Variants in BTBD9 observed in about 807,000 individuals in gnomAD.
BTBD9 encodes BTB/POZ domain-containing protein 9.
Under a neutral mutation model 64.3 loss-of-function variants are expected in BTBD9, and 49 were observed. The ratio of observed to expected loss-of-function variants is 0.76; its 90% CI spans 0.61 to 0.97. BTBD9 has a LOEUF of 0.97. Ranked by LOEUF, BTBD9 falls within the 50% of genes least tolerant of loss-of-function variation. The pLI, the probability that BTBD9 is intolerant of heterozygous loss-of-function variation, is 0.00. For synonymous variants in BTBD9, 260 were observed against 274.7 expected, an observed-to-expected ratio of 0.95 and a Z score of 0.53; for missense variants, 598 against 762.1, an observed-to-expected ratio of 0.78 and a Z score of 2.53.
intron 9 of BTBD9, among the ~76,000 whole-genome samples, chr6:38,196,608 G>A (rs1207885846): frequency 1.3e-5 from 2 of 152,210 alleles, no homozygotes; most frequent in Non-Finnish European, 2.9e-5. Flanking sequence ...ATACATTCTT[G>A]TGCATGGCAC....
rs372624753 is a variant in BTBD9, at chr6:38,334,575, AATAACATAACATAACATAACATAAC to A, written c.1264+10384_1264+10408del. ...CAGAGCGAGACTCCATCTCAAAAATAATAACATAACATAACATAACATAACATAACATAACATAACATAACATAAC... is the reference window on the plus strand; with the variant it reads ...CAGAGCGAGACTCCATCTCAAAAATAATAACATAACATAACATAACATAAC... On this transcript the variant is annotated intron_variant, in intron 7 of 10. Coordinates refer to ENST00000481247, the MANE Select transcript of BTBD9 (RefSeq NM_001099272.2). 3.5e-3 allele frequency among the ~76,000 whole-genome samples: 500 copies of A among 142,512 alleles called. 4 individuals are homozygous for A. The highest frequency in any genetic ancestry group is 0.012 in the African/African-American group (449 of 37,710). 93.5% of individuals were successfully genotyped at this position (142,512 alleles called of 152,430 possible). A position where few individuals can be genotyped will look rare whatever the true frequency, so the allele number is the denominator to read the frequency against.
intron 6 of BTBD9, among the ~76,000 whole-genome samples, chr6:38,562,515 A>G (rs1775305342): frequency 6.6e-6 from 1 of 152,256 alleles, no homozygotes; most frequent in African/African-American, 2.4e-5. Flanking sequence ...ATAACAAAAG[A>G]TAAATAAACA....
intron 1 of BTBD9, among the ~76,000 whole-genome samples, chr6:38,616,639 A>C (rs1371131747): frequency 6.6e-6 from 1 of 152,162 alleles, no homozygotes; most frequent in Admixed American, 6.5e-5. Context: ...AAATGCACGA[A>C]TCAGCAGGAT....
chr6:38,519,675 A>G (rs997493490), intron 6 of BTBD9, among the ~76,000 whole-genome samples: 1 of 152,228 alleles, frequency 6.6e-6, no homozygotes, highest in Admixed American at 6.5e-5. Context: ...CATGTTTTCC[A>G]GGGTTTCAGT....
chr6:38,392,199 G>A lies in BTBD9; in HGVS notation c.1155-47106C>T, dbSNP rs1766449893. ...CAGACCAGCAAGAGGAAGCAAGGAGGGTTAAAAATATCAATCATCATCAGA... is the reference window on the plus strand; with the variant it reads ...CAGACCAGCAAGAGGAAGCAAGGAGAGTTAAAAATATCAATCATCATCAGA... On this transcript the variant is annotated intron_variant, in intron 6 of 10. Transcript: ENST00000481247. Among the ~76,000 whole-genome samples, 7 of 151,832 alleles carry A rather than the reference G, an allele frequency of 4.6e-5. 1 individual carries two copies. In the South Asian group the frequency reaches 1.5e-3, roughly 32 times the overall value.
Position 38,174,152 on chromosome 6 carries a change from T to C in BTBD9, c.*833A>G, listed in dbSNP as rs2127468143. Reference sequence around the variant, plus strand: ...CTACATGGACTTCGGAACAGTGAATTAGCAGCGGGCATAGTAACTATTTCC... The same window carrying C: ...CTACATGGACTTCGGAACAGTGAATCAGCAGCGGGCATAGTAACTATTTCC... On this transcript the variant is annotated 3_prime_UTR_variant, in exon 11 of 11. Coordinates refer to ENST00000481247, the MANE Select transcript of BTBD9 (RefSeq NM_001099272.2). 1 of 152,340 alleles carries C rather than the reference T, an allele frequency of 6.6e-6. No homozygotes were observed. Among genetic ancestry groups the C allele is most frequent in the East Asian group, 1.9e-4 (1 of 5,186 alleles). The allele number at this position is 152,340 out of a possible 1,614,324, so 9.4% of individuals were successfully genotyped here. A position where few individuals can be genotyped will look rare whatever the true frequency, so the allele number is the denominator to read the frequency against.
intron 6 of BTBD9, among the ~76,000 whole-genome samples, chr6:38,430,907 ACTCTTCTC>A: frequency 6.6e-6 from 1 of 151,686 alleles, no homozygotes; most frequent in East Asian, 1.9e-4. Flanking sequence ...TCCTGGTCTT[ACTCTTCTC>A]AGCGTCATTT....
intron 7 of BTBD9, among the ~76,000 whole-genome samples, chr6:38,290,100 G>A (rs867503845): frequency 6.7e-6 from 1 of 149,970 alleles, no homozygotes; most frequent in East Asian, 2.0e-4. Context: ...CCCTCATCTC[G>A]TATGCCTTCA....
chr6:38,414,855 T>A (rs1247313893), intron 6 of BTBD9, among the ~76,000 whole-genome samples: 1 of 152,184 alleles, frequency 6.6e-6, no homozygotes, highest in Non-Finnish European at 1.5e-5. Flanking sequence ...TTTTACTTTA[T>A]ATACCTGTCC....
intron 6 of BTBD9, among the ~76,000 whole-genome samples, chr6:38,420,163 C>T (rs1221279559): frequency 6.6e-6 from 1 of 152,044 alleles, no homozygotes; most frequent in South Asian, 2.1e-4. Context: ...ACTAATAATG[C>T]CAATTTTGCC....
At chr6:38,633,074 GC>G (rs1778415577) in intron 1 of BTBD9, among the ~76,000 whole-genome samples, 2 of 152,198 alleles carry the variant, frequency 1.3e-5, no homozygotes, top group Admixed American at 6.5e-5. Flanking sequence ...TAATTATCCA[GC>G]CCCCATTCCC....
At position 38,179,425 on chromosome 6, in the gene BTBD9, C is replaced by T. The variant is rs147859031; in HGVS notation, c.1642-4243G>A. ...CAGGGTTCCCTGGAAGGGACGGGGG[C>T]GGGCATACTGCGGTGCTACAGAAGG... On this transcript the variant is annotated intron_variant, in intron 10 of 10. Transcript: ENST00000481247. 9.0e-4 allele frequency: 410 copies of T among 456,696 alleles called. 12 individuals are homozygous for T. The East Asian group carries it at 0.023, about 25-fold the overall frequency. 28.3% of individuals were successfully genotyped at this position (456,696 alleles called of 1,614,324 possible). A position where few individuals can be genotyped will look rare whatever the true frequency, so the allele number is the denominator to read the frequency against.
chr6:38,284,866 A>C (rs1761669668), intron 8 of BTBD9, among the ~76,000 whole-genome samples: 1 of 152,172 alleles, frequency 6.6e-6, no homozygotes, highest in African/African-American at 2.4e-5. Flanking sequence ...GAAGGTAGTG[A>C]GAGATGCAAA....
intron 9 of BTBD9, among the ~76,000 whole-genome samples, chr6:38,217,152 C>CA (rs35599057): frequency 0.072 from 8,730 of 121,732 alleles, 520 homozygotes; most frequent in East Asian, 0.35. Flanking sequence ...ACTAAGGATA[C>CA]AAAAAAAAAA....
Position 38,308,624 on chromosome 6 carries a change from A to G in BTBD9, c.1265-20163T>C, listed in dbSNP as rs560391950. Among the ~76,000 whole-genome samples the G allele has an allele frequency of 2.0e-4, 31 of 152,130 alleles. No homozygotes were observed. In the South Asian group the frequency reaches 2.9e-3, roughly 14 times the overall value. ...TTTTGTTTTGTTTCTGTTTTTTTGA[A>G]GCAGGGTCTCACTCTGTTGCCCAGG... On this transcript the variant is annotated intron_variant, in intron 7 of 10. Transcript: ENST00000481247.
At chr6:38,440,050 A>C (rs972267581) in intron 6 of BTBD9, among the ~76,000 whole-genome samples, 3 of 152,194 alleles carry the variant, frequency 2.0e-5, no homozygotes, top group African/African-American at 4.8e-5. Context: ...GATTCCTATT[A>C]AACATTCAAG....
intron 9 of BTBD9, among the ~76,000 whole-genome samples, chr6:38,234,478 AT>A (rs1405303416): frequency 6.6e-6 from 1 of 152,228 alleles, no homozygotes; most frequent in Non-Finnish European, 1.5e-5. Context: ...TGTATTTTAT[AT>A]ATACAGCATT....
intron 9 of BTBD9, among the ~76,000 whole-genome samples, chr6:38,242,760 T>G (rs1764046476): frequency 6.6e-6 from 1 of 152,238 alleles, no homozygotes; most frequent in Admixed American, 6.5e-5. Context: ...AGTTGTGCAT[T>G]TGACTACAGA....
At chr6:38,176,276 A>G (rs1483423011) in intron 10 of BTBD9, among the ~76,000 whole-genome samples, 1 of 152,230 alleles carries the variant, frequency 6.6e-6, no homozygotes, top group African/African-American at 2.4e-5. Flanking sequence ...TCAACTGCAG[A>G]ATTATATTGA....
Sources: allele counts gnomAD v4.1 joint callset (sites outside exome capture counted in the v4.1 genomes callset), GRCh38; gene constraint gnomAD v4.1.1; transcripts MANE v1.5; gene names NCBI Gene and HGNC (gene_info 2026-07-23, HGNC 2026-07-21).